Variants in SH3BP4 observed in about 807,000 individuals in gnomAD.
SH3BP4 encodes the protein SH3 domain-binding protein 4.
SH3BP4 carries 33 observed loss-of-function variants against 65.5 expected under a neutral mutation model. The observed-to-expected ratio is 0.50, with a 90% confidence interval of 0.38 to 0.67. The LOEUF (loss-of-function observed/expected upper bound fraction) is 0.67, where lower values mean the gene tolerates loss of function less well. SH3BP4 is among the 30% of genes least tolerant of loss of function. The pLI, the probability that SH3BP4 is intolerant of heterozygous loss-of-function variation, is 0.00. For missense variants in SH3BP4, 1,134 were observed against 1,261.4 expected (o/e 0.90, Z 1.53); for synonymous variants, 552 against 545.5 (o/e 1.01, Z -0.17).
At chr2:235,011,439 G>A (rs934985015) in intron 2 of SH3BP4, among the ~76,000 whole-genome samples, 3 of 152,122 alleles carry the variant, frequency 2.0e-5, no homozygotes, top group Non-Finnish European at 2.9e-5. Context: ...TCTTAACTTC[G>A]TCACATCTGC....
rs1274233073 is a variant in SH3BP4 at position 234,977,686 on chromosome 2, A to G, written c.-206-17617A>G. On this transcript the variant is annotated intron_variant, in intron 1 of 5. Coordinates refer to ENST00000392011, the MANE Select transcript of SH3BP4 (RefSeq NM_014521.3). This position sits in a 1 kb window ranked among gnomAD's most constrained non-coding sequence, Gnocchi z 5.1. The stretch of plus-strand genomic sequence containing the variant: ...CCAAAGAGGGCTGGTTCAAGTATGA[A>G]TATTCACAGCCACACCGAGGCACCT... Among the ~76,000 whole-genome samples the G allele has an allele frequency of 2.0e-5, 3 of 152,078 alleles. No individual in the cohort carries two copies. The highest frequency in any genetic ancestry group is 4.4e-5 in the Non-Finnish European group (3 of 68,020).
At chr2:234,961,155 A>C in intron 1 of SH3BP4, among the ~76,000 whole-genome samples, 1 of 152,196 alleles carries the variant, frequency 6.6e-6, no homozygotes, top group Non-Finnish European at 1.5e-5. Flanking sequence ...CTGATCTCTA[A>C]AATGATGACC....
At chr2:234,987,961 C>A (rs1028590264) in intron 1 of SH3BP4, among the ~76,000 whole-genome samples, 1 of 152,172 alleles carries the variant, frequency 6.6e-6, no homozygotes, top group African/African-American at 2.4e-5. Flanking sequence ...TCCAAGATGG[C>A]GCCATGACAC....
At chr2:234,972,192 C>T (rs556119225) in intron 1 of SH3BP4, among the ~76,000 whole-genome samples, 49 of 149,240 alleles carry the variant, frequency 3.3e-4, no homozygotes, top group South Asian at 2.1e-4. Flanking sequence ...AGGGCAGTGG[C>T]GCCATCTTGG....
intron 2 of SH3BP4, among the ~76,000 whole-genome samples, chr2:235,012,069 G>T (rs1249845830): frequency 6.6e-6 from 1 of 152,248 alleles, no homozygotes; most frequent in Non-Finnish European, 1.5e-5. Context: ...CGCACACTCA[G>T]TGTGGATGCA....
chr2:234,984,487 G>T (rs1268186106), intron 1 of SH3BP4, among the ~76,000 whole-genome samples: 1 of 152,096 alleles, frequency 6.6e-6, no homozygotes, highest in Non-Finnish European at 1.5e-5. Flanking sequence ...GAAATTACAG[G>T]CATGAGCCAC....
At chr2:235,011,417 C>T (rs1452555376) in intron 2 of SH3BP4, among the ~76,000 whole-genome samples, 2 of 152,222 alleles carry the variant, frequency 1.3e-5, no homozygotes, top group Non-Finnish European at 2.9e-5. Context: ...ATCCTAATTC[C>T]GTATGACCTC....
In SH3BP4 at chr2:234,967,536, C is replaced by T. The variant is rs544170142; in HGVS notation, c.-207+15366C>T. The stretch of plus-strand genomic sequence containing the variant: ...AGCAGTCCTCGACCTTCCAGCCCTG[C>T]AGCTTCTGCAGCAGCCTTGCACTTC... On this transcript the variant is annotated intron_variant, in intron 1 of 5. Coordinates refer to ENST00000392011, the MANE Select transcript of SH3BP4 (RefSeq NM_014521.3). The surrounding 1 kb of genome is among the most constrained non-coding windows in gnomAD (Gnocchi z 4.6). Among the ~76,000 whole-genome samples, 11 of 152,328 alleles carry T rather than the reference C, an allele frequency of 7.2e-5. No homozygotes were observed. The highest frequency in any genetic ancestry group is 2.4e-4 in the African/African-American group (10 of 41,580).
chr2:235,032,624 CACG>C, intron 2 of SH3BP4, among the ~76,000 whole-genome samples: 1 of 152,136 alleles, frequency 6.6e-6, no homozygotes. Flanking sequence ...GGTGGTCTCT[CACG>C]TGGCGGCAAG....
intron 2 of SH3BP4, among the ~76,000 whole-genome samples, chr2:235,006,093 G>A (rs1293824521): frequency 6.6e-6 from 1 of 152,232 alleles, no homozygotes; most frequent in East Asian, 1.9e-4. Flanking sequence ...TGGGCTGGCT[G>A]GAGTGGAGTG....
rs375064717 is a variant in SH3BP4 at position 235,034,986 on chromosome 2, G to A, written c.-17G>A. On this transcript the variant is annotated 5_prime_UTR_variant, in exon 3 of 6. Coordinates refer to ENST00000392011, the MANE Select transcript of SH3BP4 (RefSeq NM_014521.3). The surrounding 1 kb of genome is among the most constrained non-coding windows in gnomAD (Gnocchi z 6.2). ...ATATGAAGCCTTAGCGGCTTTACCC[G>A]GGAAGCGAGTTTCGAGATGGCGGCT... The A allele has an allele frequency of 8.6e-5, 139 of 1,607,968 alleles. No homozygotes were observed. The highest frequency in any genetic ancestry group is 2.0e-4 in the East Asian group (9 of 44,824).
At chr2:235,029,931 G>A (rs1695126741) in intron 2 of SH3BP4, among the ~76,000 whole-genome samples, 7 of 152,200 alleles carry the variant, frequency 4.6e-5, no homozygotes, top group Admixed American at 4.6e-4. Flanking sequence ...CTTCCTGGAA[G>A]CTTGGGTGAG....
At position 234,974,448 on chromosome 2, in the gene SH3BP4, G is replaced by T. The variant is rs73124234; in HGVS notation, c.-206-20855G>T. Among the ~76,000 whole-genome samples, 1 of 152,206 alleles carries T rather than the reference G, an allele frequency of 6.6e-6. No individual in the cohort carries two copies. Among genetic ancestry groups the T allele is most frequent in the African/African-American group, 2.4e-5 (1 of 41,456 alleles). Reference sequence around the variant, plus strand: ...ATTTCACTGCTCCATAAAATGCTACGTTGGTGAAATGGGCAGGATGAGTTG... The same window carrying T: ...ATTTCACTGCTCCATAAAATGCTACTTTGGTGAAATGGGCAGGATGAGTTG... On this transcript the variant is annotated intron_variant, in intron 1 of 5. Coordinates refer to ENST00000392011, the MANE Select transcript of SH3BP4 (RefSeq NM_014521.3). This position sits in a 1 kb window ranked among gnomAD's most constrained non-coding sequence, Gnocchi z 4.6.
Position 235,034,336 on chromosome 2 carries a change from C to G in SH3BP4, c.-132-535C>G, listed in dbSNP as rs61604474. On this transcript the variant is annotated intron_variant, in intron 2 of 5. Transcript: ENST00000392011. This position sits in a 1 kb window ranked among gnomAD's most constrained non-coding sequence, Gnocchi z 6.2. ...TGTTTAGAATTGTTTATTTGGGGTG[C>G]AGGGGGATTTCAGGAGCGGATTGGG... Among the ~76,000 whole-genome samples the G allele has an allele frequency of 0.025, 3,798 of 152,184 alleles. 145 individuals carry two copies. The highest frequency in any genetic ancestry group is 0.085 in the African/African-American group (3,537 of 41,518).
intron 2 of SH3BP4, among the ~76,000 whole-genome samples, chr2:235,012,519 C>A (rs540215019): frequency 6.6e-6 from 1 of 152,300 alleles, no homozygotes; most frequent in Non-Finnish European, 1.5e-5. Flanking sequence ...GGACAATAAC[C>A]AGCCGCACCG....
intron 1 of SH3BP4, among the ~76,000 whole-genome samples, chr2:234,962,198 C>G (rs891987351): frequency 1.3e-5 from 2 of 151,970 alleles, no homozygotes; most frequent in African/African-American, 4.8e-5. Context: ...GTGCGGTGGC[C>G]CAATGTCAGC....
At position 235,041,801 on chromosome 2, in the gene SH3BP4, C is replaced by T. The variant is rs1695658394; in HGVS notation, c.1032C>T (p.Gly344=). 1 of 1,594,452 alleles carries T rather than the reference C, an allele frequency of 6.3e-7. No individual in the cohort carries two copies. Among genetic ancestry groups the T allele is most frequent in the South Asian group, 1.1e-5 (1 of 88,720 alleles). The part of the protein sequence containing the change: ...DTSISIHVPE[G]HVAPGETQQI... ...GCATCAGCATCCACGTGCCCGAGGG[C>T]CACGTCGCCCCTGGGGAGACCCAGC... Residue 344 remains glycine, a synonymous_variant, in exon 4 of 6, where the codon GGC becomes GGT. Transcript: ENST00000392011. This position sits in a 1 kb window ranked among gnomAD's most constrained non-coding sequence, Gnocchi z 6.0.
rs1459579494 is a variant in SH3BP4 at position 235,006,245 on chromosome 2, C to T, written c.-133+10869C>T. 5.3e-5 allele frequency among the ~76,000 whole-genome samples: 8 copies of T among 152,182 alleles called. No homozygotes were observed. The South Asian group carries it at 6.2e-4, about 12-fold the overall frequency. Reference sequence around the variant, plus strand: ...CTTTGTCTTTGCGGGCTTTGTTCCGCGAGGATTTTTTCTTTCCTGCCCTTT... The same window carrying T: ...CTTTGTCTTTGCGGGCTTTGTTCCGTGAGGATTTTTTCTTTCCTGCCCTTT... On this transcript the variant is annotated intron_variant, in intron 2 of 5. Coordinates refer to ENST00000392011, the MANE Select transcript of SH3BP4 (RefSeq NM_014521.3).
intron 2 of SH3BP4, among the ~76,000 whole-genome samples, chr2:235,019,989 G>A (rs752144054): frequency 2.0e-5 from 3 of 151,438 alleles, no homozygotes; most frequent in Non-Finnish European, 4.4e-5. Flanking sequence ...TTATGAGAAA[G>A]AAACTCAAGC....
Sources: gnomAD v4.1 joint callset for allele counts (sites outside exome capture counted in the v4.1 genomes callset) on GRCh38, gnomAD v4.1.1 for gene constraint, Gnocchi (gnomAD v3.1) non-coding constraint, MANE v1.5 for transcripts, NCBI Gene and HGNC (gene_info 2026-07-23, HGNC 2026-07-21) for gene names.